The following NMBR variants were observed in gnomAD, a reference collection of about 807,000 sequenced individuals.
NMBR encodes the protein neuromedin-B receptor.
A neutral mutation model predicts 20.5 loss-of-function variants in NMBR; 16 were observed. The ratio of observed to expected loss-of-function variants is 0.78; its 90% CI spans 0.53 to 1.19. NMBR has a LOEUF of 1.19. NMBR is among the 50% of genes most tolerant of loss of function. NMBR has a pLI of 0.00. For synonymous variants in NMBR, 212 were observed against 196.6 expected, an observed-to-expected ratio of 1.08 and a Z score of -0.65; for missense variants, 582 against 499.1, an observed-to-expected ratio of 1.17 and a Z score of -1.58.
Position 142,088,916 on chromosome 6 carries a change from A to C in NMBR, c.-258T>G. The C allele has an allele frequency of 2.6e-6, 1 of 381,446 alleles. No homozygotes were observed. The highest frequency in any genetic ancestry group is 4.7e-5 in the South Asian group (1 of 21,408). The allele number at this position is 381,446 out of a possible 1,614,324, so 23.6% of individuals were successfully genotyped here. A position where few individuals can be genotyped will look rare whatever the true frequency, so the allele number is the denominator to read the frequency against. ...TGAATTTAAATTAAAAAAAAAAAAA[A>C]AGCAAAGCGGTTGCGTCTTTGTTCC... On this transcript the variant is annotated 5_prime_UTR_variant, in exon 2 of 4. Coordinates refer to ENST00000258042, the MANE Select transcript of NMBR (RefSeq NM_002511.4).
At chr6:142,088,210 G>C (rs1337626478) in intron 2 of NMBR, 27 bp downstream of exon 2, 1 of 1,595,728 alleles carries the variant, frequency 6.3e-7, no homozygotes, top group Non-Finnish European at 8.5e-7. Flanking sequence ...ACTTTTCCAA[G>C]CCACTCACAG....
rs1424895303 is a variant in NMBR, at chr6:142,075,823, C to T, written c.998G>A (p.Arg333Lys). The stretch of plus-strand genomic sequence containing the variant: ...ACAGCAGAGTTGGCTGTTGAAATGC[C>T]TCCTGAAGCTTTCACTGAGTAGGTA... The part of the protein sequence containing the change: ...ALYLLSESFR[R>K]HFNSQLCCGR... The change falls in exon 4 of 4, where the codon AGG becomes AAG. Residue 333 changes from arginine (R) to lysine (K), a missense_variant. By Grantham distance (26) the Arg-to-Lys change is conservative (BLOSUM62 2). Coordinates refer to ENST00000258042, the MANE Select transcript of NMBR (RefSeq NM_002511.4). 1 of 1,614,006 alleles carries T rather than the reference C, an allele frequency of 6.2e-7. No individual in the cohort carries two copies. The highest frequency in any genetic ancestry group is 1.7e-5 in the Admixed American group (1 of 60,004).
chr6:142,109,137 T>C (rs1777714459), intron 1 of NMBR, among the ~76,000 whole-genome samples: 1 of 152,162 alleles, frequency 6.6e-6, no homozygotes, highest in Non-Finnish European at 1.5e-5. Context: ...TTTTCATAGC[T>C]TGCATTGCGA....
chr6:142,117,118 A>G (rs1487545560), intron 1 of NMBR, among the ~76,000 whole-genome samples: 2 of 151,956 alleles, frequency 1.3e-5, no homozygotes, highest in Non-Finnish European at 2.9e-5. Flanking sequence ...AAGGTCACTG[A>G]AGGTCACCAA....
intron 1 of NMBR, among the ~76,000 whole-genome samples, chr6:142,118,854 T>C (rs1311347928): frequency 1.3e-5 from 2 of 152,006 alleles, no homozygotes; most frequent in Non-Finnish European, 2.9e-5. Flanking sequence ...CTTATTTGTG[T>C]GTGTCTTACA....
chr6:142,095,086 T>C (rs1319632668), intron 1 of NMBR, among the ~76,000 whole-genome samples: 4 of 152,120 alleles, frequency 2.6e-5, no homozygotes, highest in Non-Finnish European at 4.4e-5. Flanking sequence ...TATACAATCA[T>C]GTCATCTGCA....
intron 1 of NMBR, among the ~76,000 whole-genome samples, chr6:142,094,400 A>T (rs375478747): frequency 6.6e-6 from 1 of 152,186 alleles, no homozygotes; most frequent in Non-Finnish European, 1.5e-5. Context: ...CCATTTATTA[A>T]ATAGGGAATC....
At chr6:142,087,031 G>C (rs1777212113) in intron 2 of NMBR, among the ~76,000 whole-genome samples, 1 of 152,210 alleles carries the variant, frequency 6.6e-6, no homozygotes, top group South Asian at 2.1e-4. Flanking sequence ...TAATAGAAAT[G>C]CTGCCACATA....
intron 1 of NMBR, among the ~76,000 whole-genome samples, chr6:142,126,757 A>ATTTTTTTTTTTT (rs34631481): frequency 1.4e-4 from 7 of 51,360 alleles, no homozygotes; most frequent in Admixed American, 2.4e-4. Context: ...TATTTGAGGG[A>ATTTTTTTTTTTT]TTTTTTTTTT....
intron 1 of NMBR, among the ~76,000 whole-genome samples, chr6:142,106,164 T>C (rs1777658443): frequency 6.6e-6 from 1 of 152,160 alleles, no homozygotes; most frequent in African/African-American, 2.4e-5. Flanking sequence ...TGAATTTACA[T>C]GCTAGGTCTA....
chr6:142,094,603 C>G lies in NMBR; in HGVS notation c.-663-5282G>C, dbSNP rs189198452. On this transcript the variant is annotated intron_variant, in intron 1 of 3. Transcript: ENST00000258042. ...GTAAGGTGATGCCTGCAGCTTTGTT[C>G]TTTTGGCTTAGGATTGACTTGGCTA... is the stretch of plus-strand genomic sequence containing the variant. Among the ~76,000 whole-genome samples, 338 of 152,214 alleles carry G rather than the reference C, an allele frequency of 2.2e-3. 1 individual carries two copies. Among genetic ancestry groups the G allele is most frequent in the Admixed American group, 4.1e-3 (63 of 15,292 alleles).
chr6:142,088,017 T>A (rs111602255), intron 2 of NMBR, among the ~76,000 whole-genome samples: 3,185 of 152,260 alleles, frequency 0.021, 120 homozygotes, highest in African/African-American at 0.071. Context: ...TTGTTTTTTT[T>A]AAAACATAGT....
intron 1 of NMBR, among the ~76,000 whole-genome samples, chr6:142,110,972 G>T (rs1332886319): frequency 6.6e-6 from 1 of 152,128 alleles, no homozygotes; most frequent in Non-Finnish European, 1.5e-5. Flanking sequence ...GCGTGCGGTG[G>T]CTCACACCTG....
intron 2 of NMBR, among the ~76,000 whole-genome samples, chr6:142,081,535 G>T (rs1175043438): frequency 6.6e-6 from 1 of 152,086 alleles, no homozygotes; most frequent in African/African-American, 2.4e-5. Flanking sequence ...TGAATAAAAG[G>T]GGAGAATTGA....
At chr6:142,137,711 T>C (rs185147649) in intron 1 of NMBR, among the ~76,000 whole-genome samples, 2 of 152,312 alleles carry the variant, frequency 1.3e-5, no homozygotes, top group Admixed American at 1.3e-4. Flanking sequence ...TGAAGCGTTG[T>C]TGAATTTTGT....
intron 1 of NMBR, among the ~76,000 whole-genome samples, chr6:142,107,860 G>C (rs1337393993): frequency 8.3e-6 from 1 of 120,672 alleles, no homozygotes; most frequent in Non-Finnish European, 1.6e-5. Flanking sequence ...TCAACAAATA[G>C]AGACTATCAA....
At chr6:142,092,081 TATC>T (rs1777336047) in intron 1 of NMBR, among the ~76,000 whole-genome samples, 1 of 152,150 alleles carries the variant, frequency 6.6e-6, no homozygotes, top group Non-Finnish European at 1.5e-5. Context: ...TACTCGCTAT[TATC>T]ATTGTTATTT....
chr6:142,110,051 A>G (rs2114588819), intron 1 of NMBR, among the ~76,000 whole-genome samples: 1 of 152,304 alleles, frequency 6.6e-6, no homozygotes, highest in Non-Finnish European at 1.5e-5. Flanking sequence ...GATGGCTACG[A>G]CCAAATAGAT....
chr6:142,111,410 C>T (rs1777761473), intron 1 of NMBR, among the ~76,000 whole-genome samples: 1 of 152,034 alleles, frequency 6.6e-6, no homozygotes, highest in Non-Finnish European at 1.5e-5. Context: ...GGAACCCAAA[C>T]AAAATTAAAT....
Sources: gnomAD v4.1 joint callset for allele counts (sites outside exome capture counted in the v4.1 genomes callset) on GRCh38, gnomAD v4.1.1 for gene constraint, MANE v1.5 for transcripts, NCBI Gene and HGNC (gene_info 2026-07-23, HGNC 2026-07-21) for gene names.